The following STAMBPL1 variants were observed in gnomAD, a reference collection of about 807,000 sequenced individuals.
The protein encoded by STAMBPL1 is AMSH-like protease.
STAMBPL1 carries 44 observed loss-of-function variants against 52.9 expected under a neutral mutation model. The observed-to-expected ratio is 0.83, with a 90% CI of 0.65 to 1.07. The LOEUF is 1.07. Among genes scored for constraint, STAMBPL1 ranks in the 50% least tolerant of loss-of-function variants. The pLI is 0.00. For synonymous variants in STAMBPL1, 164 were observed against 177.3 expected (o/e 0.92, Z 0.60); for missense variants, 511 against 520.8 (o/e 0.98, Z 0.18).
At chr10:88,910,072 T>A (rs75095561) in intron 4 of STAMBPL1, among the ~76,000 whole-genome samples, 1 of 152,050 alleles carries the variant, frequency 6.6e-6, no homozygotes, top group Non-Finnish European at 1.5e-5. Context: ...GTTATGCTTA[T>A]TTTTTTTGTA....
intron 1 of STAMBPL1, chr10:88,882,935 G>T (rs1844441622): frequency 1.3e-5 from 2 of 151,840 alleles, no homozygotes; most frequent in Admixed American, 6.6e-5. Flanking sequence ...ATGTATACAT[G>T]TGCCATGTTG....
intron 1 of STAMBPL1, among the ~76,000 whole-genome samples, chr10:88,896,852 A>T (rs1453945002): frequency 6.6e-6 from 1 of 150,746 alleles, no homozygotes; most frequent in Non-Finnish European, 1.5e-5. Flanking sequence ...ACACACATAC[A>T]TGCACGCACG....
chr10:88,914,871 A>G (rs1483256833), intron 7 of STAMBPL1, among the ~76,000 whole-genome samples: 1 of 152,072 alleles, frequency 6.6e-6, no homozygotes, highest in East Asian at 1.9e-4. Context: ...TTTCAGAGAC[A>G]CTATAAAAAC....
intron 2 of STAMBPL1, among the ~76,000 whole-genome samples, 153 bp downstream of exon 2, chr10:88,901,891 A>C (rs1336392316): frequency 6.6e-6 from 1 of 152,230 alleles, no homozygotes; most frequent in African/African-American, 2.4e-5. Context: ...TGAGGAAGTG[A>C]CTAATAAAGC....
intron 1 of STAMBPL1, among the ~76,000 whole-genome samples, chr10:88,896,397 A>T (rs1844810793): frequency 6.6e-6 from 1 of 152,218 alleles, no homozygotes. Context: ...CATTTAAGAC[A>T]TGGGAATGAC....
At chr10:88,901,456 G>A in intron 1 of STAMBPL1, 200 bp from the exon 2 acceptor site, 1 of 361,378 alleles carries the variant, frequency 2.8e-6, no homozygotes, top group Non-Finnish European at 5.0e-6. Context: ...CACTTTTAAA[G>A]ATCAGCTTCA....
intron 1 of STAMBPL1, among the ~76,000 whole-genome samples, chr10:88,892,521 T>C (rs1844714358): frequency 6.6e-6 from 1 of 152,130 alleles, no homozygotes; most frequent in Non-Finnish European, 1.5e-5. Context: ...GTGAGCAAAT[T>C]TGGACAGCAG....
At chr10:88,893,807 A>T (rs1844745275) in intron 1 of STAMBPL1, 1 of 152,210 alleles carries the variant, frequency 6.6e-6, no homozygotes, top group Non-Finnish European at 1.5e-5. Context: ...ATAATGAATC[A>T]GATAGTTGTA....
At chr10:88,880,858 G>T (rs1484082856) in intron 1 of STAMBPL1, among the ~76,000 whole-genome samples, 3 of 152,124 alleles carry the variant, frequency 2.0e-5, no homozygotes, top group Non-Finnish European at 2.9e-5. Flanking sequence ...GCCTGTATGC[G>T]CCCCTCCGCT....
chr10:88,921,791 A>G (rs950622813), intron 9 of STAMBPL1, among the ~76,000 whole-genome samples: 1 of 152,150 alleles, frequency 6.6e-6, no homozygotes. Flanking sequence ...AATCAAAAAA[A>G]CATATTGAAA....
intron 7 of STAMBPL1, among the ~76,000 whole-genome samples, 190 bp from the exon 8 acceptor site, chr10:88,916,490 G>T (rs1326466944): frequency 6.8e-6 from 1 of 147,878 alleles, no homozygotes; most frequent in Non-Finnish European, 1.5e-5. Flanking sequence ...CATTTTTACT[G>T]TTGGGACTTT....
At chr10:88,905,725 T>C in intron 3 of STAMBPL1, 65 bp downstream of exon 3, 1 of 1,295,954 alleles carries the variant, frequency 7.7e-7, no homozygotes, top group Non-Finnish European at 1.1e-6. Context: ...TATTTTGATG[T>C]GGCAGTTTGG....
intron 10 of STAMBPL1, 141 bp from the exon 11 acceptor site, chr10:88,923,027 G>A: frequency 1.6e-6 from 1 of 634,136 alleles, no homozygotes; most frequent in South Asian, 2.0e-5. Context: ...AAATGTGATT[G>A]TATTTGTTCT....
intron 1 of STAMBPL1, among the ~76,000 whole-genome samples, chr10:88,884,814 A>G (rs12262249): frequency 0.08 from 12,209 of 152,232 alleles, 1,084 homozygotes; most frequent in African/African-American, 0.21. Context: ...ATGATGATGG[A>G]GTGGTTGGAA....
At chr10:88,908,117 T>TTGCAGTAGGAATTTCCTTTCAC (rs1304959234) in intron 3 of STAMBPL1, among the ~76,000 whole-genome samples, 3 of 152,238 alleles carry the variant, frequency 2.0e-5, no homozygotes, top group African/African-American at 7.2e-5. Context: ...TGCACCTGGT[T>TTGCAGTAGGAATTTCCTTTCAC]TGCTGTAGGA....
chr10:88,886,473 G>A (rs1314916602), intron 1 of STAMBPL1, among the ~76,000 whole-genome samples: 1 of 151,860 alleles, frequency 6.6e-6, no homozygotes, highest in Non-Finnish European at 1.5e-5. Context: ...TAAATTTCAT[G>A]AGTTTAAATT....
chr10:88,916,571 C>T, intron 7 of STAMBPL1, 109 bp from the exon 8 acceptor site: 1 of 1,070,084 alleles, frequency 9.3e-7, no homozygotes, highest in Non-Finnish European at 1.2e-6. Flanking sequence ...TGTACCTGGA[C>T]ACACCCCCCT....
intron 6 of STAMBPL1, among the ~76,000 whole-genome samples, chr10:88,913,910 T>C (rs2035190716): frequency 6.6e-6 from 1 of 152,204 alleles, no homozygotes; most frequent in South Asian, 2.1e-4. Flanking sequence ...CTCATACACA[T>C]AGATAATTAA....
chr10:88,898,962 G>A (rs541904832), intron 1 of STAMBPL1, among the ~76,000 whole-genome samples: 39 of 152,186 alleles, frequency 2.6e-4, no homozygotes, highest in Non-Finnish European at 3.2e-4. Context: ...AGTACATGGC[G>A]GCTGCACATC....
Sources: allele counts gnomAD v4.1 joint callset (sites outside exome capture counted in the v4.1 genomes callset), GRCh38; gene constraint gnomAD v4.1.1; transcripts MANE v1.5; gene names NCBI Gene and HGNC (gene_info 2026-07-23, HGNC 2026-07-21).